Variants in ASIC2 observed in about 807,000 individuals in gnomAD.
ASIC2 encodes acid sensing ion channel subunit 2.
In ASIC2, 25 loss-of-function variants were observed where a neutral mutation model predicts 57.3. The observed-to-expected ratio is 0.44, with a 90% CI of 0.32 to 0.61. The LOEUF is 0.61. Ranked by LOEUF, ASIC2 falls within the 20% of genes least tolerant of loss-of-function variation. The probability of loss-of-function intolerance (pLI) is 0.06; values close to 1 mark genes in which losing one functional copy is unlikely to be tolerated. For missense variants in ASIC2, 641 were observed against 738.1 expected (o/e 0.87, Z 1.52); for synonymous variants, 319 against 307.5 (o/e 1.04, Z -0.39).
intron 1 of ASIC2, among the ~76,000 whole-genome samples, chr17:34,125,956 C>T (rs1354329989): frequency 6.6e-6 from 1 of 152,226 alleles, no homozygotes; most frequent in East Asian, 1.9e-4. Context: ...TCCCCTTGGT[C>T]ACACGGCTAT....
intron 3 of ASIC2, among the ~76,000 whole-genome samples, chr17:33,066,638 T>C (rs1468933541): frequency 1.3e-5 from 2 of 152,126 alleles, no homozygotes; most frequent in Non-Finnish European, 2.9e-5. Flanking sequence ...TGAAGACCTA[T>C]AGAGGAAAAG....
At chr17:33,675,854 A>G (rs1235407679) in intron 1 of ASIC2, among the ~76,000 whole-genome samples, 1 of 152,194 alleles carries the variant, frequency 6.6e-6, no homozygotes, top group Non-Finnish European at 1.5e-5. Context: ...TTACAGGTGT[A>G]AGCCAGTGCA....
At chr17:34,006,663 G>T (rs977108015) in intron 1 of ASIC2, 3 of 151,888 alleles carry the variant, frequency 2.0e-5, no homozygotes, top group African/African-American at 7.3e-5. Context: ...TATTCATGGG[G>T]AACAATGTGA....
chr17:33,539,048 G>A (rs9903859), intron 1 of ASIC2, among the ~76,000 whole-genome samples: 27,372 of 152,144 alleles, frequency 0.18, 2,541 homozygotes, highest in South Asian at 0.32. Context: ...GGCACAGACA[G>A]GGAACACAAT....
At chr17:33,018,988 T>C (rs193221897) in intron 7 of ASIC2, among the ~76,000 whole-genome samples, 1 of 152,224 alleles carries the variant, frequency 6.6e-6, no homozygotes, top group Non-Finnish European at 1.5e-5. Context: ...ACAGAGATGG[T>C]GGGGAGAAGG....
intron 1 of ASIC2, among the ~76,000 whole-genome samples, chr17:33,445,199 C>T (rs1026702294): frequency 3.9e-5 from 6 of 152,160 alleles, no homozygotes; most frequent in Admixed American, 3.3e-4. Flanking sequence ...GAGGCCAAGG[C>T]GTCTGATCAT....
intron 1 of ASIC2, among the ~76,000 whole-genome samples, chr17:33,982,505 G>C (rs1905663212): frequency 6.6e-6 from 1 of 152,178 alleles, no homozygotes; most frequent in African/African-American, 2.4e-5. Context: ...GTCCAGCGTT[G>C]CTATGGGTTC....
chr17:34,039,557 G>T, intron 1 of ASIC2: 1 of 1,613,912 alleles, frequency 6.2e-7, no homozygotes, highest in Non-Finnish European at 8.5e-7. Flanking sequence ...CGTGCAACTG[G>T]TGGAACACTT....
At chr17:33,453,298 A>T (rs2141991427) in intron 1 of ASIC2, among the ~76,000 whole-genome samples, 1 of 152,190 alleles carries the variant, frequency 6.6e-6, no homozygotes, top group East Asian at 1.9e-4. Flanking sequence ...AAAAAAAAAA[A>T]AAAGAAACTG....
intron 1 of ASIC2, among the ~76,000 whole-genome samples, chr17:33,809,374 A>G (rs183275573): frequency 2.0e-4 from 30 of 152,326 alleles, no homozygotes; most frequent in Admixed American, 1.8e-3. Context: ...GGACTGGGAA[A>G]TCTCCCACAG....
chr17:34,124,443 G>A (rs1205449950), intron 1 of ASIC2, among the ~76,000 whole-genome samples: 44 of 152,118 alleles, frequency 2.9e-4, no homozygotes, highest in Non-Finnish European at 1.5e-5. Context: ...CACATATGGT[G>A]ATACCACTTC....
intron 1 of ASIC2, among the ~76,000 whole-genome samples, chr17:33,657,400 C>T (rs566003048): frequency 6.6e-6 from 1 of 152,290 alleles, no homozygotes; most frequent in East Asian, 1.9e-4. Flanking sequence ...CATGAGGCAG[C>T]TGGGACTGGC....
intron 1 of ASIC2, among the ~76,000 whole-genome samples, chr17:33,993,734 T>A (rs1906070595): frequency 9.2e-6 from 1 of 108,900 alleles, no homozygotes; most frequent in African/African-American, 7.2e-5. Flanking sequence ...AGAACTGAAC[T>A]GTGATAGTTT....
chr17:33,430,680 A>G (rs1317760746), intron 1 of ASIC2, among the ~76,000 whole-genome samples: 1 of 152,222 alleles, frequency 6.6e-6, no homozygotes, highest in Non-Finnish European at 1.5e-5. Context: ...AATGCGGTCC[A>G]GTGTAACCAG....
intron 1 of ASIC2, among the ~76,000 whole-genome samples, chr17:33,230,845 AG>A (rs1908063117): frequency 6.6e-6 from 1 of 152,130 alleles, no homozygotes; most frequent in Non-Finnish European, 1.5e-5. Flanking sequence ...GTTAATGGTG[AG>A]GTTCCCACTT....
chr17:33,084,394 C>G (rs2092126186), intron 3 of ASIC2, among the ~76,000 whole-genome samples: 1 of 152,156 alleles, frequency 6.6e-6, no homozygotes, highest in African/African-American at 2.4e-5. Flanking sequence ...CCAGCCAGTC[C>G]CTCCCTGGAT....
intron 1 of ASIC2, among the ~76,000 whole-genome samples, chr17:33,378,564 T>G (rs570413082): frequency 6.6e-6 from 1 of 152,156 alleles, no homozygotes; most frequent in Non-Finnish European, 1.5e-5. Flanking sequence ...GATTCCTCAG[T>G]GTGGGTAGAA....
intron 1 of ASIC2, among the ~76,000 whole-genome samples, chr17:33,923,805 G>A (rs1190839877): frequency 3.3e-5 from 5 of 152,154 alleles, no homozygotes; most frequent in African/African-American, 7.2e-5. Flanking sequence ...GAGTATGAGA[G>A]GGGAGGAGGG....
chr17:33,769,231 T>C (rs987037922), intron 1 of ASIC2, among the ~76,000 whole-genome samples: 2 of 152,188 alleles, frequency 1.3e-5, no homozygotes, highest in African/African-American at 2.4e-5. Flanking sequence ...CTGAAAGAAC[T>C]AATTAGCACA....
Sources: allele counts gnomAD v4.1 joint callset (sites outside exome capture counted in the v4.1 genomes callset), GRCh38; gene constraint gnomAD v4.1.1; transcripts MANE v1.5; gene names NCBI Gene and HGNC (gene_info 2026-07-23, HGNC 2026-07-21).